MMP26: variants seen among roughly 807,000 people sequenced by gnomAD.
MMP26 encodes the protein matrix metallopeptidase 26.
In MMP26, 33 loss-of-function variants were observed where a neutral mutation model predicts 31.0. The observed-to-expected ratio is 1.06, with a 90% confidence interval of 0.81 to 1.42. MMP26 has a LOEUF of 1.42. Ranked by LOEUF, MMP26 falls within the 40% of genes most tolerant of loss-of-function variation. The probability of loss-of-function intolerance (pLI) is 0.00; values close to 1 mark genes in which losing one functional copy is unlikely to be tolerated. For missense variants in MMP26, 347 were observed against 316.1 expected (o/e 1.10, Z -0.74); for synonymous variants, 122 against 114.9 (o/e 1.06, Z -0.40).
At chr11:4,828,568 G>T (rs1003953939) in intron 2 of MMP26, among the ~76,000 whole-genome samples, 1 of 152,102 alleles carries the variant, frequency 6.6e-6, no homozygotes, top group African/African-American at 2.4e-5. Flanking sequence ...TAGAAAGCGG[G>T]GGGAGATTTT....
intron 2 of MMP26, among the ~76,000 whole-genome samples, chr11:4,952,832 G>T (rs1846387630): frequency 8.0e-6 from 1 of 125,400 alleles, no homozygotes; most frequent in Admixed American, 8.8e-5. Context: ...AGGTTTGAAA[G>T]CAATACTTGT....
intron 1 of MMP26, chr11:4,752,862 A>G: frequency 6.5e-6 from 1 of 153,098 alleles, no homozygotes; most frequent in Non-Finnish European, 1.5e-5. Context: ...ATTCCCAGAA[A>G]GGGCAGTTAA....
At chr11:4,981,719 T>A (rs938985107) in intron 2 of MMP26, among the ~76,000 whole-genome samples, 1 of 152,138 alleles carries the variant, frequency 6.6e-6, no homozygotes, top group Non-Finnish European at 1.5e-5. Context: ...CTTTTGAATC[T>A]TTTGTAACAG....
At chr11:4,833,851 T>C (rs886918347) in intron 2 of MMP26, among the ~76,000 whole-genome samples, 4 of 152,164 alleles carry the variant, frequency 2.6e-5, no homozygotes. Flanking sequence ...ACTTTGGTGC[T>C]CAATGGTTGC....
At position 4,992,054 on chromosome 11, in the gene MMP26, C is replaced by T. The variant is rs540412152; in HGVS notation, c.686C>T (p.Thr229Ile). The T allele has an allele frequency of 4.3e-6, 7 of 1,614,000 alleles. No individual in the cohort carries two copies. The South Asian group carries it at 7.7e-5, about 18-fold the overall frequency. ...AATCAGAGCTCCATAATGTACCCCA[C>T]TTACTGGTATCACGACCCTAGAACC... is the stretch of plus-strand genomic sequence containing the variant. Reference protein sequence around the residue: ...SGNQSSIMYPTYWYHDPRTFQ... With the variant: ...SGNQSSIMYPIYWYHDPRTFQ... The change falls in exon 7 of 8, where the codon ACT (threonine) becomes ATT (isoleucine). Residue 229 changes from threonine (T) to isoleucine (I), a missense_variant. Thr to Ile is a moderately conservative substitution (Grantham distance 89). Coordinates refer to ENST00000380390, the MANE Select transcript of MMP26 (RefSeq NM_021801.5).
At chr11:4,943,811 A>G (rs1443201328) in intron 2 of MMP26, 1 of 433,512 alleles carries the variant, frequency 2.3e-6, no homozygotes, top group Non-Finnish European at 4.6e-6. Flanking sequence ...TCCCCCATTG[A>G]GATTTATGTA....
chr11:4,836,462 A>G (rs566942425), intron 2 of MMP26, among the ~76,000 whole-genome samples: 118 of 150,666 alleles, frequency 7.8e-4, no homozygotes, highest in Non-Finnish European at 1.4e-3. Context: ...TTATAATATG[A>G]TATGCATAGT....
In MMP26 at chr11:4,936,891, A is replaced by T. The variant is rs1846120894; in HGVS notation, c.-144-51177A>T. ...ACATCCATCCAAATATGCAGTTAATATACATATTTTAAAATTTTTAAGTCT... is the reference window on the plus strand; with the variant it reads ...ACATCCATCCAAATATGCAGTTAATTTACATATTTTAAAATTTTTAAGTCT... On this transcript the variant is annotated intron_variant, in intron 2 of 7. Coordinates refer to ENST00000380390, the MANE Select transcript of MMP26 (RefSeq NM_021801.5). Among the ~76,000 whole-genome samples the T allele has an allele frequency of 1.3e-5, 2 of 152,314 alleles. 1 individual carries two copies. Among genetic ancestry groups the T allele is most frequent in the Middle Eastern group, 6.8e-3 (2 of 294 alleles).
intron 2 of MMP26, among the ~76,000 whole-genome samples, chr11:4,886,557 T>A (rs975011933): frequency 1.1e-4 from 16 of 151,850 alleles, no homozygotes; most frequent in Non-Finnish European, 2.2e-4. Flanking sequence ...TGTTTTTCAA[T>A]AAATACATGT....
intron 2 of MMP26, among the ~76,000 whole-genome samples, chr11:4,835,203 G>GACACACACACAC (rs3064937): frequency 0.026 from 3,708 of 143,198 alleles, 72 homozygotes; most frequent in Non-Finnish European, 0.03. Flanking sequence ...CTCTCTTTCT[G>GACACACACACAC]ACACACACAC....
intron 2 of MMP26, among the ~76,000 whole-genome samples, chr11:4,776,604 G>A (rs1848793838): frequency 6.6e-6 from 1 of 152,168 alleles, no homozygotes; most frequent in Non-Finnish European, 1.5e-5. Flanking sequence ...TCTCCAAAGT[G>A]TCAAGGGAGG....
rs562007941 is a variant in MMP26 at position 4,858,694 on chromosome 11, G to A, written c.-145+91353G>A. On this transcript the variant is annotated intron_variant, in intron 2 of 7. Coordinates refer to ENST00000380390, the MANE Select transcript of MMP26 (RefSeq NM_021801.5). The stretch of plus-strand genomic sequence containing the variant: ...TGCCATCCCCATCAAGCTACCAATG[G>A]CTTTCTTCACAAAATTGGAAAAAAC... Among the ~76,000 whole-genome samples the A allele has an allele frequency of 4.6e-5, 7 of 152,140 alleles. No individual in the cohort carries two copies. The South Asian group carries it at 1.5e-3, about 32-fold the overall frequency.
chr11:4,821,714 C>T (rs1849504177), intron 2 of MMP26: 2 of 1,613,946 alleles, frequency 1.2e-6, no homozygotes, highest in African/African-American at 1.3e-5. Flanking sequence ...AACCTAAATG[C>T]CTGCATTGCC....
intron 2 of MMP26, among the ~76,000 whole-genome samples, chr11:4,925,823 T>G (rs1353118314): frequency 1.3e-5 from 2 of 152,176 alleles, no homozygotes; most frequent in Non-Finnish European, 2.9e-5. Flanking sequence ...TTGTTTGTTT[T>G]TTAGACATTT....
chr11:4,935,560 C>T (rs1229360488), intron 2 of MMP26, among the ~76,000 whole-genome samples: 3 of 151,770 alleles, frequency 2.0e-5, no homozygotes, highest in Admixed American at 6.6e-5. Context: ...TAATTGAATA[C>T]CCTTTATTTC....
At chr11:4,707,633 C>A (rs1847797384) in intron 1 of MMP26, among the ~76,000 whole-genome samples, 1 of 152,142 alleles carries the variant, frequency 6.6e-6, no homozygotes, top group African/African-American at 2.4e-5. Flanking sequence ...AGATAAATAT[C>A]AGATTATTGA....
intron 1 of MMP26, among the ~76,000 whole-genome samples, chr11:4,712,920 A>T (rs776742696): frequency 1.3e-5 from 2 of 151,986 alleles, no homozygotes; most frequent in Non-Finnish European, 1.5e-5. Flanking sequence ...TTTTATTTAT[A>T]GTCCATCTGA....
intron 1 of MMP26, chr11:4,724,213 C>A (rs1345342138): frequency 4.1e-6 from 2 of 483,754 alleles, no homozygotes; most frequent in East Asian, 3.0e-5. Context: ...GCCTGTGAAC[C>A]AGGTGGATGG....
intron 1 of MMP26, chr11:4,723,483 C>G: frequency 9.1e-7 from 1 of 1,103,784 alleles, no homozygotes; most frequent in Non-Finnish European, 1.4e-6. Flanking sequence ...GGGACTGCAG[C>G]TCTGGGATCT....
Sources: gnomAD v4.1 joint callset for allele counts (sites outside exome capture counted in the v4.1 genomes callset) on GRCh38, gnomAD v4.1.1 for gene constraint, MANE v1.5 for transcripts, NCBI Gene and HGNC (gene_info 2026-07-23, HGNC 2026-07-21) for gene names.